ACAD10: variants seen among roughly 807,000 people sequenced by gnomAD.
The protein encoded by ACAD10 is ACAD-10.
ACAD10 carries 112 observed loss-of-function variants against 116.8 expected under a neutral mutation model. The observed-to-expected ratio is 0.96, with a 90% CI of 0.82 to 1.12. ACAD10 has a LOEUF of 1.12. Ranked by LOEUF, ACAD10 falls within the 50% of genes most tolerant of loss-of-function variation. The pLI is 0.00. For missense variants in ACAD10, 1,259 were observed against 1,350.2 expected (o/e 0.93, Z 1.06); for synonymous variants, 486 against 510.6 (o/e 0.95, Z 0.65).
At chr12:111,721,767 A>G (rs377061896) in intron 8 of ACAD10, 28 bp downstream of exon 8, 1 of 1,565,810 alleles carries the variant, frequency 6.4e-7, no homozygotes, top group Non-Finnish European at 8.7e-7. Flanking sequence ...TTGCTATTGC[A>G]CTTTCAAGCT....
chr12:111,750,381 A>T (rs187804340), intron 18 of ACAD10, among the ~76,000 whole-genome samples: 1 of 151,896 alleles, frequency 6.6e-6, no homozygotes, highest in Non-Finnish European at 1.5e-5. Flanking sequence ...CAGCCTCCCA[A>T]TGTGCTGGGA....
In ACAD10 at chr12:111,756,336, T is replaced by G. The variant is rs1233846738; in HGVS notation, c.3043T>G (p.Phe1015Val). 6.3e-7 allele frequency: 1 copy of G among 1,599,784 alleles called. No homozygotes were observed. Among genetic ancestry groups the G allele is most frequent in the Non-Finnish European group, 8.5e-7 (1 of 1,175,032 alleles). ...CCCTCCACTCTGTGTCTGCCAGGCC[T>G]TTGGAGCAGCAGGCCTGAGCAGCGA... ...SRVIDRAIQAFGAAGLSSDYP... is the reference protein window; with the variant it reads ...SRVIDRAIQAVGAAGLSSDYP... The change falls in exon 21 of 21, where the codon TTT (phenylalanine) becomes GTT (valine). Residue 1015 changes from phenylalanine to valine, a missense_variant. Physicochemically the swap from Phe to Val is conservative, Grantham distance 50 (BLOSUM62 -1). Transcript: ENST00000313698.
intron 10 of ACAD10, among the ~76,000 whole-genome samples, chr12:111,733,639 C>T (rs1182416903): frequency 1.3e-5 from 2 of 152,074 alleles, no homozygotes; most frequent in Non-Finnish European, 2.9e-5. Flanking sequence ...GGAGTAATTC[C>T]CGGAACCCAG....
rs1889268083 is a variant in ACAD10, at chr12:111,727,944, C to T, written c.1062-18C>T. ...ATTATGACTCTGATCCCTGAAACCC[C>T]TTCTGTGTTCCTCCCAGTGTCATTG... is the stretch of plus-strand genomic sequence containing the variant. On this transcript the variant is annotated intron_variant, in intron 8 of 20. Transcript: ENST00000313698. The T allele has an allele frequency of 1.3e-6, 2 of 1,597,014 alleles. No homozygotes were observed. Among genetic ancestry groups the T allele is most frequent in the Non-Finnish European group, 1.7e-6 (2 of 1,172,938 alleles).
At chr12:111,740,782 CA>C (rs751899672) in intron 12 of ACAD10, among the ~76,000 whole-genome samples, 97 of 51,094 alleles carry the variant, frequency 1.9e-3, no homozygotes, top group Middle Eastern at 0.01. Context: ...GACTCCATCT[CA>C]AAAAAAAAAA....
intron 3 of ACAD10, 98 bp from the exon 4 acceptor site, chr12:111,705,640 A>G: frequency 8.9e-7 from 1 of 1,123,410 alleles, no homozygotes; most frequent in South Asian, 1.5e-5. Context: ...AGCAGAGAGC[A>G]GAAGGACGCC....
At chr12:111,746,978 T>C (rs769866186) in intron 14 of ACAD10, 71 bp from the exon 15 acceptor site, 51 of 1,503,408 alleles carry the variant, frequency 3.4e-5, no homozygotes, top group Non-Finnish European at 4.4e-5. Flanking sequence ...CCAGCCTGGG[T>C]GACAGAGCTT....
At chr12:111,744,227 T>C (rs977027225) in intron 12 of ACAD10, among the ~76,000 whole-genome samples, 3 of 152,134 alleles carry the variant, frequency 2.0e-5, no homozygotes, top group Non-Finnish European at 2.9e-5. Flanking sequence ...GTGGCATTGC[T>C]GTTATCAATT....
chr12:111,724,472 G>A (rs1320910015), intron 8 of ACAD10, among the ~76,000 whole-genome samples: 1 of 152,212 alleles, frequency 6.6e-6, no homozygotes, highest in Non-Finnish European at 1.5e-5. Flanking sequence ...GGTGGAGGTT[G>A]TAGCGAGCCA....
At position 111,744,774 on chromosome 12, in the gene ACAD10, A is replaced by G; in HGVS notation, c.1846A>G (p.Arg616Gly). ...GATGCCCTTCACAAATCCGTTAACA[A>G]GGTCCTACCACACGTGGGCCAGGCC... The part of the protein sequence containing the change: ...KEMPFTNPLT[R>G]SYHTWARPQS... The change falls in exon 13 of 21, where the codon AGG becomes GGG. Residue 616 changes from arginine (R) to glycine (G), a missense_variant. Physicochemically the swap from Arg to Gly is moderately radical, Grantham distance 125. Transcript: ENST00000313698. 4 of 1,614,234 alleles carry G rather than the reference A, an allele frequency of 2.5e-6. No homozygotes were observed. Among genetic ancestry groups the G allele is most frequent in the Admixed American group, 1.7e-5 (1 of 60,024 alleles).
At chr12:111,744,607 T>G in intron 12 of ACAD10, 36 bp from the exon 13 acceptor site, 2 of 1,586,088 alleles carry the variant, frequency 1.3e-6, no homozygotes, top group Non-Finnish European at 1.7e-6. Context: ...ATGGGTCGTG[T>G]GGGAGTAATC....
intron 4 of ACAD10, 55 bp from the exon 5 acceptor site, chr12:111,709,471 A>T (rs1888606383): frequency 1.4e-6 from 2 of 1,444,246 alleles, no homozygotes; most frequent in Non-Finnish European, 1.8e-6. Context: ...ACCAGCATGC[A>T]TGTGGGAGCT....
At position 111,745,015 on chromosome 12, in the gene ACAD10, G is replaced by A. The variant is rs372387137; in HGVS notation, c.2087G>A (p.Ser696Asn). The A allele has an allele frequency of 5.0e-6, 8 of 1,613,676 alleles. No homozygotes were observed. Among genetic ancestry groups the A allele is most frequent in the Admixed American group, 1.7e-5 (1 of 60,006 alleles). Residue 696 changes from serine (S) to asparagine (N), a missense_variant, in exon 13 of 21, where the codon AGC becomes AAC. Transcript: ENST00000313698. ...CACCAGGCCTCAGCAGCCAGGTGGA[G>A]CCCCTCCCCACTGATCGAAGACCTC... is the stretch of plus-strand genomic sequence containing the variant. ...QSHQASAARW[S>N]PSPLIEDLKE...
chr12:111,746,014 C>A, intron 13 of ACAD10, 130 bp from the exon 14 acceptor site: 2 of 1,177,762 alleles, frequency 1.7e-6, no homozygotes, highest in Non-Finnish European at 2.3e-6. Context: ...CTCCTCATAT[C>A]ATTTTTTTGG....
chr12:111,700,344 G>A (rs1188575614), intron 2 of ACAD10, among the ~76,000 whole-genome samples: 3 of 152,128 alleles, frequency 2.0e-5, no homozygotes, highest in Non-Finnish European at 4.4e-5. Flanking sequence ...AACTTTTCTA[G>A]TTCTTTTTAT....
Position 111,715,822 on chromosome 12 carries a change from C to T in ACAD10, c.852C>T (p.Gly284=). The change falls in exon 7 of 21, where the codon GGC becomes GGT. Residue 284 remains glycine, a splice_region_variant and synonymous_variant. Transcript: ENST00000313698. The part of the protein sequence containing the change: ...LKDLLGIQTT[G]PLELLQFDHG... Reference sequence around the variant, plus strand: ...TTTTCTTTGTTTTCAAACTTGCAGGCCCATTGGAACTACTTCAGTTTGATC... The same window carrying T: ...TTTTCTTTGTTTTCAAACTTGCAGGTCCATTGGAACTACTTCAGTTTGATC... 1 of 1,614,132 alleles carries T rather than the reference C, an allele frequency of 6.2e-7. No individual in the cohort carries two copies. The highest frequency in any genetic ancestry group is 1.1e-5 in the South Asian group (1 of 91,082).
At chr12:111,753,377 G>A (rs150138495) in intron 18 of ACAD10, 7 of 410,458 alleles carry the variant, frequency 1.7e-5, no homozygotes, top group Admixed American at 5.3e-5. Context: ...CTTCGCCTGC[G>A]CCGTGTGCAG....
At chr12:111,700,415 A>G (rs572314623) in intron 2 of ACAD10, among the ~76,000 whole-genome samples, 100 of 152,326 alleles carry the variant, frequency 6.6e-4, no homozygotes, top group African/African-American at 2.2e-3. Flanking sequence ...ATAAATATAT[A>G]TGGAAGAAAT....
intron 19 of ACAD10, among the ~76,000 whole-genome samples, chr12:111,754,862 G>A (rs990079654): frequency 5.3e-5 from 8 of 152,194 alleles, no homozygotes; most frequent in Admixed American, 2.6e-4. Context: ...CCGTCATCTG[G>A]GAAGACAGCC....
Sources: gnomAD v4.1 joint callset for allele counts (sites outside exome capture counted in the v4.1 genomes callset) on GRCh38, gnomAD v4.1.1 for gene constraint, MANE v1.5 for transcripts, NCBI Gene and HGNC (gene_info 2026-07-23, HGNC 2026-07-21) for gene names.